Variants in ZBTB20 observed in about 807,000 individuals in gnomAD.
The protein encoded by ZBTB20 is zinc finger and BTB domain-containing protein 20.
In ZBTB20, 9 loss-of-function variants were observed where a neutral mutation model predicts 56.9. That is an observed-to-expected ratio of 0.16 (90% CI 0.10 to 0.28). ZBTB20 has a LOEUF of 0.28. ZBTB20 is among the 10% of genes least tolerant of loss of function. The pLI is 1.00. For missense variants in ZBTB20, 655 were observed against 1,003.0 expected, an observed-to-expected ratio of 0.65 and a Z score of 4.69; for synonymous variants, 417 against 420.7, an observed-to-expected ratio of 0.99 and a Z score of 0.11.
chr3:115,070,576 T>C (rs2108509112), intron 2 of ZBTB20, among the ~76,000 whole-genome samples: 1 of 152,222 alleles, frequency 6.6e-6, no homozygotes, highest in Non-Finnish European at 1.5e-5. Flanking sequence ...ATTAGCTTTC[T>C]GGAAGAATGG....
chr3:115,134,012 T>C (rs766519904), intron 1 of ZBTB20, among the ~76,000 whole-genome samples: 17 of 152,248 alleles, frequency 1.1e-4, no homozygotes, highest in Non-Finnish European at 2.5e-4. Context: ...TTTTACTATA[T>C]GGTTTTTCTA....
intron 5 of ZBTB20, among the ~76,000 whole-genome samples, chr3:114,696,704 C>T (rs1052574619): frequency 6.6e-6 from 1 of 151,856 alleles, no homozygotes; most frequent in Non-Finnish European, 1.5e-5. Context: ...AAATTGCATA[C>T]AAATCTCACT....
At chr3:114,722,304 T>C (rs1339648423) in intron 5 of ZBTB20, among the ~76,000 whole-genome samples, 3 of 152,176 alleles carry the variant, frequency 2.0e-5, no homozygotes, top group Non-Finnish European at 4.4e-5. Context: ...TTCAGTGGTT[T>C]TATATAAAGG....
chr3:115,139,850 T>C (rs1260496836), intron 1 of ZBTB20, among the ~76,000 whole-genome samples: 1 of 152,038 alleles, frequency 6.6e-6, no homozygotes, highest in East Asian at 1.9e-4. Flanking sequence ...GGCAAAGTAT[T>C]TATGTAAACT....
chr3:114,848,171 T>C (rs1344914794), intron 4 of ZBTB20, among the ~76,000 whole-genome samples: 1 of 152,040 alleles, frequency 6.6e-6, no homozygotes, highest in Non-Finnish European at 1.5e-5. Flanking sequence ...CCTGAGAGAA[T>C]AATAAACTAA....
At chr3:115,145,561 T>C (rs2084939187) in intron 1 of ZBTB20, among the ~76,000 whole-genome samples, 1 of 152,180 alleles carries the variant, frequency 6.6e-6, no homozygotes, top group Non-Finnish European at 1.5e-5. Flanking sequence ...TAGGGAATTG[T>C]GGCAAGAAAA....
At chr3:114,883,814 G>A (rs1034405774) in intron 4 of ZBTB20, among the ~76,000 whole-genome samples, 1 of 147,400 alleles carries the variant, frequency 6.8e-6, no homozygotes, top group Non-Finnish European at 1.5e-5. Context: ...AAGAAAGCAA[G>A]TAGTTCATTC....
intron 6 of ZBTB20, among the ~76,000 whole-genome samples, chr3:114,667,781 T>C (rs973553256): frequency 1.3e-5 from 2 of 151,978 alleles, no homozygotes; most frequent in African/African-American, 4.8e-5. Context: ...GAAAATAAAA[T>C]AAAGTCTGAT....
chr3:114,412,800 A>C (rs1392113561), intron 7 of ZBTB20, among the ~76,000 whole-genome samples: 1 of 152,154 alleles, frequency 6.6e-6, no homozygotes, highest in Non-Finnish European at 1.5e-5. Flanking sequence ...TAGGATATCC[A>C]AAATGAGCAA....
intron 5 of ZBTB20, among the ~76,000 whole-genome samples, chr3:114,702,408 G>A (rs1201068302): frequency 1.3e-5 from 2 of 152,174 alleles, no homozygotes; most frequent in African/African-American, 2.4e-5. Flanking sequence ...ATCTGGATGT[G>A]TGTGTTTGTG....
chr3:114,968,152 A>T (rs1418613189), intron 3 of ZBTB20, among the ~76,000 whole-genome samples: 22 of 152,246 alleles, frequency 1.4e-4, no homozygotes, highest in Admixed American at 6.5e-5. Flanking sequence ...TTATATATAG[A>T]TACATATGCA....
intron 5 of ZBTB20, among the ~76,000 whole-genome samples, chr3:114,768,714 T>C (rs879037983): frequency 6.6e-6 from 1 of 152,196 alleles, no homozygotes; most frequent in Admixed American, 6.5e-5. Context: ...ATTTAGCTCA[T>C]CTGATGTGAC....
chr3:114,507,700 T>G (rs1464542369), intron 6 of ZBTB20, among the ~76,000 whole-genome samples: 1 of 152,108 alleles, frequency 6.6e-6, no homozygotes, highest in African/African-American at 2.4e-5. Flanking sequence ...CTGCCTCCAG[T>G]CAGGAGAATG....
chr3:114,739,092 G>C (rs1360164531), intron 5 of ZBTB20, among the ~76,000 whole-genome samples: 1 of 152,132 alleles, frequency 6.6e-6, no homozygotes, highest in Non-Finnish European at 1.5e-5. Flanking sequence ...TATTGAAGTG[G>C]AAAGAACTAA....
intron 6 of ZBTB20, among the ~76,000 whole-genome samples, chr3:114,646,153 C>T (rs574830760): frequency 4.7e-5 from 7 of 150,474 alleles, no homozygotes; most frequent in South Asian, 4.2e-4. Context: ...AAAAAAGAAG[C>T]GTTATGTGAA....
chr3:114,625,563 G>C (rs901660420), intron 6 of ZBTB20, among the ~76,000 whole-genome samples: 6 of 152,066 alleles, frequency 3.9e-5, no homozygotes, highest in Non-Finnish European at 7.4e-5. Flanking sequence ...TCTGTATATA[G>C]CCTGTATGAA....
chr3:114,571,030 T>A (rs545067668), intron 6 of ZBTB20, among the ~76,000 whole-genome samples: 9 of 152,270 alleles, frequency 5.9e-5, no homozygotes, highest in African/African-American at 1.9e-4. Flanking sequence ...ATGAATTTAG[T>A]CACAGTTGGT....
At chr3:114,474,583 A>G (rs186246143) in intron 7 of ZBTB20, among the ~76,000 whole-genome samples, 10 of 152,186 alleles carry the variant, frequency 6.6e-5, no homozygotes, top group Admixed American at 1.3e-4. Flanking sequence ...CGTGTCTCCA[A>G]AAGCCTAGTG....
chr3:115,096,422 A>G (rs190421311), intron 1 of ZBTB20, among the ~76,000 whole-genome samples: 35 of 152,342 alleles, frequency 2.3e-4, no homozygotes, highest in African/African-American at 7.9e-4. Flanking sequence ...TTTTACAGTA[A>G]AACATGTCTC....
Sources: gnomAD v4.1 joint callset for allele counts (sites outside exome capture counted in the v4.1 genomes callset) on GRCh38, gnomAD v4.1.1 for gene constraint, MANE v1.5 for transcripts, NCBI Gene and HGNC (gene_info 2026-07-23, HGNC 2026-07-21) for gene names.